Variants in ACTN1 observed in about 807,000 individuals in gnomAD.
ACTN1 encodes the protein alpha-actinin-1.
ACTN1 carries 30 observed loss-of-function variants against 119.6 expected under a neutral mutation model. The observed-to-expected ratio is 0.25, with a 90% confidence interval of 0.19 to 0.34. The LOEUF (loss-of-function observed/expected upper bound fraction) is 0.34. Ranked by LOEUF, ACTN1 falls within the 10% of genes least tolerant of loss-of-function variation. The pLI is 1.00. For missense variants in ACTN1, 764 were observed against 1,223.4 expected, an observed-to-expected ratio of 0.62 and a Z score of 5.60; for synonymous variants, 429 against 472.6, an observed-to-expected ratio of 0.91 and a Z score of 1.20.
rs116649664 is a variant in ACTN1, at chr14:68,882,411, G to T, written c.1953+47C>A. On this transcript the variant is annotated intron_variant, in intron 16 of 21. Coordinates refer to ENST00000394419, the MANE Select transcript of ACTN1 (RefSeq NM_001130004.2). This position sits in a 1 kb window ranked among gnomAD's most constrained non-coding sequence, Gnocchi z 4.5. The stretch of plus-strand genomic sequence containing the variant: ...GCCTGGCTGGCTAGGATAGTGTCGG[G>T]GGGGAGGGGTGGGAGCCCCAGCACT... The T allele has an allele frequency of 1.5e-3, 2,442 of 1,603,910 alleles. 19 individuals carry two copies. In the African/African-American group the frequency reaches 0.021, roughly 14 times the overall value.
rs1057086246 is a variant in ACTN1 at position 68,879,886 on chromosome 14, C to A, written c.2280+76G>T. 7 of 1,560,808 alleles carry A rather than the reference C, an allele frequency of 4.5e-6. No homozygotes were observed. The highest frequency in any genetic ancestry group is 6.1e-6 in the Non-Finnish European group (7 of 1,148,122). On this transcript the variant is annotated intron_variant, in intron 18 of 21. Coordinates refer to ENST00000394419, the MANE Select transcript of ACTN1 (RefSeq NM_001130004.2). The surrounding 1 kb of genome is among the most constrained non-coding windows in gnomAD (Gnocchi z 4.9). ...TCCTCACTTGCATGGCAGCCCACGT[C>A]CCGGGGAAGTGCCCTCCAGGGCCCT...
chr14:68,921,260 C>T (rs2034630609), intron 2 of ACTN1, 135 bp from the exon 3 acceptor site: 10 of 1,103,328 alleles, frequency 9.1e-6, no homozygotes, highest in Non-Finnish European at 1.2e-5. Context: ...TGTGTGTGTG[C>T]TCACACGCTG....
intron 1 of ACTN1, among the ~76,000 whole-genome samples, chr14:68,942,907 G>A (rs1267655094): frequency 1.3e-5 from 2 of 152,118 alleles, no homozygotes; most frequent in South Asian, 2.1e-4. Flanking sequence ...AAAATGTGAC[G>A]GACACACAGA....
At chr14:68,964,052 G>C (rs985977364) in intron 1 of ACTN1, among the ~76,000 whole-genome samples, 3 of 152,096 alleles carry the variant, frequency 2.0e-5, no homozygotes, top group Non-Finnish European at 2.9e-5. Flanking sequence ...GCCACCCCAG[G>C]AATTAAATAT....
intron 1 of ACTN1, among the ~76,000 whole-genome samples, chr14:68,951,503 T>C (rs868096847): frequency 9.9e-5 from 15 of 152,170 alleles, no homozygotes; most frequent in Admixed American, 5.2e-4. Flanking sequence ...GAGGGATGCA[T>C]GGAAGCTCTG....
chr14:68,956,823 G>C (rs1004799725), intron 1 of ACTN1, among the ~76,000 whole-genome samples: 5 of 151,990 alleles, frequency 3.3e-5, no homozygotes, highest in Admixed American at 6.5e-5. Context: ...CAGTTACCAT[G>C]AATCTTAGTT....
chr14:68,976,016 C>T (rs1010256626), intron 1 of ACTN1, among the ~76,000 whole-genome samples: 1 of 152,194 alleles, frequency 6.6e-6, no homozygotes, highest in African/African-American at 2.4e-5. Context: ...AGGAGGAAAC[C>T]TAATGGAAAT....
In ACTN1 at chr14:68,915,886, T is replaced by A. The variant is rs535900347; in HGVS notation, c.341-3644A>T. 1.4e-4 allele frequency among the ~76,000 whole-genome samples: 22 copies of A among 152,316 alleles called. No homozygotes were observed. In the South Asian group the frequency reaches 4.6e-3, roughly 32 times the overall value. ...GAAATTAGGCAGATGTGGTGGCACA[T>A]GCCTGCAATCCCAGCTACTCGTGGG... On this transcript the variant is annotated intron_variant, in intron 3 of 21. Transcript: ENST00000394419.
At chr14:68,907,686 A>T (rs975673149) in intron 6 of ACTN1, among the ~76,000 whole-genome samples, 22 of 152,252 alleles carry the variant, frequency 1.4e-4, no homozygotes, top group Non-Finnish European at 2.1e-4. Context: ...GAGAGTGCTA[A>T]CTGGGTATCA....
In ACTN1 at chr14:68,909,323, G is replaced by A. The variant is rs904887313; in HGVS notation, c.589C>T (p.Arg197Trp). Residue 197 changes from arginine (R) to tryptophan (W), a missense_variant, in exon 6 of 22, where the codon CGG (arginine) becomes TGG (tryptophan). Coordinates refer to ENST00000394419, the MANE Select transcript of ACTN1 (RefSeq NM_001130004.2). The surrounding 1 kb of genome is among the most constrained non-coding windows in gnomAD (Gnocchi z 4.1). ...GGTCAGGTGGGCACACATACCTTCC[G>A]CAGCTTCCCGTAGTCAATCAGCTCG... Reference protein sequence around the residue: ...RPELIDYGKLRKDDPLTNLNT... With the variant: ...RPELIDYGKLWKDDPLTNLNT... The A allele has an allele frequency of 8.1e-6, 13 of 1,613,656 alleles. No homozygotes were observed. Among genetic ancestry groups the A allele is most frequent in the African/African-American group, 4.0e-5 (3 of 74,862 alleles).
At position 68,918,731 on chromosome 14, in the gene ACTN1, T is replaced by TAA. The variant is rs35150226; in HGVS notation, c.340+2273_340+2274dup. Among the ~76,000 whole-genome samples the TAA allele has an allele frequency of 5.9e-4, 86 of 144,640 alleles. 1 individual carries two copies. The highest frequency in any genetic ancestry group is 8.2e-4 in the Admixed American group (12 of 14,668). The allele number at this position is 144,640 out of a possible 152,430, so 94.9% of individuals were successfully genotyped here. ...TAGCACAGTGAAATCCCATCTCTAC[T>TAA]AAAAAAAAAAAAAGAAAAGAAAGTT... On this transcript the variant is annotated intron_variant, in intron 3 of 21. Coordinates refer to ENST00000394419, the MANE Select transcript of ACTN1 (RefSeq NM_001130004.2).
Position 68,909,701 on chromosome 14 carries a change from T to C in ACTN1, c.515+254A>G, listed in dbSNP as rs2033886717. 6.6e-6 allele frequency among the ~76,000 whole-genome samples: 1 copy of C among 152,132 alleles called. No individual in the cohort carries two copies. Among genetic ancestry groups the C allele is most frequent in the South Asian group, 2.1e-4 (1 of 4,820 alleles). On this transcript the variant is annotated intron_variant, in intron 5 of 21. Transcript: ENST00000394419. The surrounding 1 kb of genome is among the most constrained non-coding windows in gnomAD (Gnocchi z 4.1). ...CCTGGGCTGGGACTTCCTGGACAATTTCCTTGGGGGCGCTCCCAGTAGCAA... is the reference window on the plus strand; with the variant it reads ...CCTGGGCTGGGACTTCCTGGACAATCTCCTTGGGGGCGCTCCCAGTAGCAA...
intron 6 of ACTN1, among the ~76,000 whole-genome samples, chr14:68,908,966 G>A (rs1392211110): frequency 6.6e-6 from 1 of 152,192 alleles, no homozygotes; most frequent in South Asian, 2.1e-4. Context: ...AATATGCACT[G>A]TTTTCAATGA....
chr14:68,979,288 A>C lies in ACTN1; in HGVS notation c.-232T>G. ...GCCTCTGGGCGGGCGCTTGGACCTA[A>C]TCTCCACGCACACTGAACTAGGCGG... On this transcript the variant is annotated 5_prime_UTR_variant, in exon 1 of 22. Coordinates refer to ENST00000394419, the MANE Select transcript of ACTN1 (RefSeq NM_001130004.2). 1 of 310,650 alleles carries C rather than the reference A, an allele frequency of 3.2e-6. No homozygotes were observed. The highest frequency in any genetic ancestry group is 5.8e-6 in the Non-Finnish European group (1 of 171,662). The allele number at this position is 310,650 out of a possible 1,614,324, so 19.2% of individuals were successfully genotyped here. A position where few individuals can be genotyped will look rare whatever the true frequency, so the allele number is the denominator to read the frequency against.
chr14:68,926,619 C>G, intron 1 of ACTN1, among the ~76,000 whole-genome samples: 1 of 152,204 alleles, frequency 6.6e-6, no homozygotes, highest in East Asian at 1.9e-4. Context: ...TTACATGGGG[C>G]TCACCCAACA....
chr14:68,903,904 C>T (rs1325017453), intron 7 of ACTN1, among the ~76,000 whole-genome samples: 2 of 152,188 alleles, frequency 1.3e-5, no homozygotes, highest in African/African-American at 4.8e-5. Context: ...TTTCCAGCCC[C>T]AGGCCCAATC....
Position 68,892,750 on chromosome 14 carries a change from G to A in ACTN1, c.856-467C>T, listed in dbSNP as rs1327148433. Among the ~76,000 whole-genome samples the A allele has an allele frequency of 2.6e-5, 4 of 152,268 alleles. No individual in the cohort carries two copies. The South Asian group carries it at 8.3e-4, about 32-fold the overall frequency. On this transcript the variant is annotated intron_variant, in intron 9 of 21. Coordinates refer to ENST00000394419, the MANE Select transcript of ACTN1 (RefSeq NM_001130004.2). Reference sequence around the variant, plus strand: ...CTCTGACTTAAAAGGGAAGAGGCTGGCTTCTGGGCAGAGAGCTGGCCTGGA... The same window carrying A: ...CTCTGACTTAAAAGGGAAGAGGCTGACTTCTGGGCAGAGAGCTGGCCTGGA...
In ACTN1 at chr14:68,904,258, T is replaced by C. The variant is rs77844409; in HGVS notation, c.676+397A>G. On this transcript the variant is annotated intron_variant, in intron 7 of 21. Coordinates refer to ENST00000394419, the MANE Select transcript of ACTN1 (RefSeq NM_001130004.2). The stretch of plus-strand genomic sequence containing the variant: ...GCATAGAGGAGATGCTAAGCTCAGC[T>C]GTCCAGAGACCACCCAGGGCTCAGA... 8.8e-3 allele frequency among the ~76,000 whole-genome samples: 1,341 copies of C among 152,274 alleles called. 21 individuals carry two copies. Among genetic ancestry groups the C allele is most frequent in the African/African-American group, 0.031 (1,279 of 41,540 alleles).
chr14:68,975,806 G>A (rs977042839), intron 1 of ACTN1, among the ~76,000 whole-genome samples: 14 of 152,288 alleles, frequency 9.2e-5, no homozygotes, highest in African/African-American at 2.2e-4. Flanking sequence ...ACTCCGTACC[G>A]AAGCATTCTT....
Sources: allele counts gnomAD v4.1 joint callset (sites outside exome capture counted in the v4.1 genomes callset), GRCh38; gene constraint gnomAD v4.1.1; non-coding constraint Gnocchi (gnomAD v3.1); transcripts MANE v1.5; gene names NCBI Gene and HGNC (gene_info 2026-07-23, HGNC 2026-07-21).